TMC2: variants seen among roughly 807,000 people sequenced by gnomAD.
TMC2 encodes transmembrane channel-like protein 2.
In TMC2, 102 loss-of-function variants were observed where a neutral mutation model predicts 105.9. The ratio of observed to expected loss-of-function variants is 0.96; its 90% CI spans 0.82 to 1.14. The LOEUF is 1.14. TMC2 is among the 50% of genes most tolerant of loss of function. TMC2 has a pLI of 0.00. For missense variants in TMC2, 1,093 were observed against 1,134.3 expected (o/e 0.96, Z 0.52); for synonymous variants, 402 against 422.8 (o/e 0.95, Z 0.60).
intron 11 of TMC2, among the ~76,000 whole-genome samples, chr20:2,604,327 C>G (rs2086373615): frequency 6.6e-6 from 1 of 152,228 alleles, no homozygotes; most frequent in South Asian, 2.1e-4. Flanking sequence ...CAGGCAGCAG[C>G]AGGTGTTTGC....
chr20:2,621,418 A>G (rs1484599795), intron 16 of TMC2, among the ~76,000 whole-genome samples: 1 of 151,742 alleles, frequency 6.6e-6, no homozygotes, highest in Non-Finnish European at 1.5e-5. Context: ...GACTACAGAA[A>G]AATAGAAGGT....
chr20:2,632,024 CT>C (rs771526409), intron 17 of TMC2, among the ~76,000 whole-genome samples: 190 of 137,130 alleles, frequency 1.4e-3, no homozygotes, highest in Non-Finnish European at 1.5e-3. Flanking sequence ...TTCATTGATT[CT>C]TTTTTTTTTT....
intron 9 of TMC2, among the ~76,000 whole-genome samples, chr20:2,595,366 T>C (rs991336224): frequency 1.3e-5 from 2 of 152,224 alleles, no homozygotes; most frequent in Non-Finnish European, 2.9e-5. Context: ...GGCCTGTTTT[T>C]GCTTTTGTCC....
intron 17 of TMC2, among the ~76,000 whole-genome samples, chr20:2,635,714 G>C (rs954927096): frequency 2.0e-5 from 3 of 152,220 alleles, no homozygotes; most frequent in African/African-American, 4.8e-5. Flanking sequence ...CGCAGAGCTA[G>C]AGCTATGTAG....
intron 16 of TMC2, among the ~76,000 whole-genome samples, chr20:2,621,651 G>A (rs1464675458): frequency 1.3e-5 from 2 of 152,116 alleles, no homozygotes; most frequent in African/African-American, 4.8e-5. Context: ...ACTGGGCAAC[G>A]AGCAAGACTC....
Position 2,612,215 on chromosome 20 carries a change from A to C in TMC2, c.1618A>C (p.Asn540His). ...GCTTGCTAATGAAGAGACAATAAAG[A>C]ACATCACTCACTGGACTCTGTTTAA... ...LKLANEETIK[N>H]ITHWTLFNYY... is the part of the protein sequence containing the mutation. The change falls in exon 13 of 20, where the codon AAC becomes CAC. Residue 540 changes from asparagine (N) to histidine (H), a missense_variant. Asn to His is a moderately conservative substitution (Grantham distance 68, BLOSUM62 1). Coordinates refer to ENST00000358864, the MANE Select transcript of TMC2 (RefSeq NM_080751.3). 6.2e-7 allele frequency: 1 copy of C among 1,610,128 alleles called. No homozygotes were observed. Among genetic ancestry groups the C allele is most frequent in the Non-Finnish European group, 8.5e-7 (1 of 1,177,860 alleles).
At chr20:2,600,856 G>A (rs1340795039) in intron 10 of TMC2, among the ~76,000 whole-genome samples, 1 of 151,124 alleles carries the variant, frequency 6.6e-6, no homozygotes, top group South Asian at 2.1e-4. Context: ...GTGTGGTGGT[G>A]GGCACCTGTA....
chr20:2,605,700 C>T (rs2086386049), intron 11 of TMC2, among the ~76,000 whole-genome samples: 1 of 152,164 alleles, frequency 6.6e-6, no homozygotes, highest in Admixed American at 6.5e-5. Context: ...GTTTCCAAAC[C>T]AGGACTTTTC....
intron 3 of TMC2, among the ~76,000 whole-genome samples, chr20:2,560,097 T>G (rs975122937): frequency 1.3e-5 from 2 of 152,156 alleles, no homozygotes; most frequent in Non-Finnish European, 2.9e-5. Context: ...CCCCGGGTGC[T>G]GGGCCATCAG....
intron 2 of TMC2, among the ~76,000 whole-genome samples, chr20:2,552,480 T>C (rs968248442): frequency 6.6e-6 from 1 of 152,224 alleles, no homozygotes; most frequent in Non-Finnish European, 1.5e-5. Flanking sequence ...TTCATATAGC[T>C]CTTACACATA....
chr20:2,543,654 CAA>C (rs980431765), intron 2 of TMC2, among the ~76,000 whole-genome samples: 1 of 152,180 alleles, frequency 6.6e-6, no homozygotes, highest in Non-Finnish European at 1.5e-5. Context: ...AGGCGTAGCA[CAA>C]AGTCATCTTA....
intron 2 of TMC2, among the ~76,000 whole-genome samples, chr20:2,545,988 G>C (rs1035353570): frequency 1.3e-5 from 2 of 152,214 alleles, no homozygotes; most frequent in African/African-American, 2.4e-5. Context: ...TAAGATCTTT[G>C]AAAGCAGATA....
intron 5 of TMC2, among the ~76,000 whole-genome samples, chr20:2,576,233 C>T (rs1036089753): frequency 6.6e-6 from 1 of 152,178 alleles, no homozygotes; most frequent in Non-Finnish European, 1.5e-5. Context: ...ACTAACAACC[C>T]ATCCTAGGAC....
intron 7 of TMC2, among the ~76,000 whole-genome samples, chr20:2,584,418 T>TG (rs2086217774): frequency 7.6e-6 from 1 of 131,180 alleles, no homozygotes; most frequent in South Asian, 2.3e-4. Flanking sequence ...CACTCCAGCC[T>TG]GGGCGACAGA....
At chr20:2,622,166 A>G (rs1232318648) in intron 16 of TMC2, among the ~76,000 whole-genome samples, 1 of 152,220 alleles carries the variant, frequency 6.6e-6, no homozygotes, top group African/African-American at 2.4e-5. Flanking sequence ...GATGGCCACA[A>G]ATGGTCTCTG....
At chr20:2,603,331 A>G (rs2086365528) in intron 11 of TMC2, among the ~76,000 whole-genome samples, 1 of 152,208 alleles carries the variant, frequency 6.6e-6, no homozygotes, top group African/African-American at 2.4e-5. Flanking sequence ...AAGACAGCCT[A>G]TCTTCCCCCA....
intron 4 of TMC2, among the ~76,000 whole-genome samples, chr20:2,563,159 T>C (rs1466814366): frequency 6.6e-6 from 1 of 152,132 alleles, no homozygotes; most frequent in Non-Finnish European, 1.5e-5. Context: ...TCATTGCTCG[T>C]TCAAACTCCT....
intron 17 of TMC2, among the ~76,000 whole-genome samples, chr20:2,630,285 A>C (rs1012252585): frequency 6.6e-6 from 1 of 152,240 alleles, no homozygotes; most frequent in African/African-American, 2.4e-5. Context: ...TACTGAAAGT[A>C]AAGCATTGAA....
chr20:2,622,664 G>A (rs1410991873), intron 16 of TMC2, among the ~76,000 whole-genome samples: 1 of 151,516 alleles, frequency 6.6e-6, no homozygotes, highest in Non-Finnish European at 1.5e-5. Flanking sequence ...CTGGACGACA[G>A]AGAGAGACTC....
Sources: allele counts gnomAD v4.1 joint callset (sites outside exome capture counted in the v4.1 genomes callset), GRCh38; gene constraint gnomAD v4.1.1; transcripts MANE v1.5; gene names NCBI Gene and HGNC (gene_info 2026-07-23, HGNC 2026-07-21).